Variants in INPP4B observed in about 807,000 individuals in gnomAD.
The protein encoded by INPP4B is inositol polyphosphate-4-phosphatase type II B.
INPP4B carries 55 observed loss-of-function variants against 122.5 expected under a neutral mutation model. The ratio of observed to expected loss-of-function variants is 0.45; its 90% CI spans 0.36 to 0.56. The LOEUF is 0.56. Among genes scored for constraint, INPP4B ranks in the 20% least tolerant of loss-of-function variants. INPP4B has a pLI of 0.00. For missense variants in INPP4B, 1,000 were observed against 1,097.7 expected, an observed-to-expected ratio of 0.91 and a Z score of 1.26; for synonymous variants, 403 against 388.7, an observed-to-expected ratio of 1.04 and a Z score of -0.43.
chr4:142,804,443 C>T (rs1580956453), intron 1 of INPP4B, among the ~76,000 whole-genome samples: 1 of 152,232 alleles, frequency 6.6e-6, no homozygotes, highest in African/African-American at 2.4e-5. Flanking sequence ...CAAGCAACCA[C>T]AGGGTTGAAT....
chr4:142,812,220 G>A (rs1415945274), intron 1 of INPP4B, among the ~76,000 whole-genome samples: 1 of 152,116 alleles, frequency 6.6e-6, no homozygotes, highest in African/African-American at 2.4e-5. Flanking sequence ...CTACCAGCAT[G>A]CACCTGCCCA....
At chr4:142,073,346 C>T (rs1027209714) in intron 25 of INPP4B, among the ~76,000 whole-genome samples, 2 of 152,084 alleles carry the variant, frequency 1.3e-5, no homozygotes, top group African/African-American at 4.8e-5. Context: ...CATCTGTGGT[C>T]TTCTGATCAG....
intron 2 of INPP4B, among the ~76,000 whole-genome samples, chr4:142,694,586 G>A (rs1020912756): frequency 2.6e-5 from 4 of 152,100 alleles, no homozygotes; most frequent in Admixed American, 1.3e-4. Flanking sequence ...AACCACTTCT[G>A]TAATATTTTT....
chr4:142,082,675 T>C (rs1282737634), intron 24 of INPP4B, among the ~76,000 whole-genome samples: 7 of 152,220 alleles, frequency 4.6e-5, no homozygotes, highest in Non-Finnish European at 7.3e-5. Context: ...CTTTATGTTA[T>C]GAGATTTTAA....
chr4:142,821,322 T>A (rs1231800348), intron 1 of INPP4B, among the ~76,000 whole-genome samples: 1 of 152,134 alleles, frequency 6.6e-6, no homozygotes, highest in Non-Finnish European at 1.5e-5. Flanking sequence ...TATATTTTAG[T>A]TAGTTTTCTA....
intron 5 of INPP4B, among the ~76,000 whole-genome samples, chr4:142,419,018 TTGA>T (rs1405324764): frequency 6.6e-6 from 1 of 152,072 alleles, no homozygotes; most frequent in Admixed American, 6.6e-5. Context: ...CTTACAGGAC[TTGA>T]TGATGGATTT....
At chr4:142,782,130 C>G (rs1580901589) in intron 1 of INPP4B, among the ~76,000 whole-genome samples, 3 of 152,142 alleles carry the variant, frequency 2.0e-5, no homozygotes, top group Admixed American at 2.0e-4. Flanking sequence ...TATCCCTCCC[C>G]CCTTCCCACA....
intron 2 of INPP4B, among the ~76,000 whole-genome samples, chr4:142,581,912 C>T (rs972053163): frequency 3.7e-4 from 57 of 152,086 alleles, no homozygotes; most frequent in African/African-American, 1.4e-3. Flanking sequence ...ATGAGAGAGG[C>T]TCACAATCTT....
At chr4:142,761,622 T>C (rs1771357914) in intron 1 of INPP4B, among the ~76,000 whole-genome samples, 1 of 152,140 alleles carries the variant, frequency 6.6e-6, no homozygotes, top group South Asian at 2.1e-4. Context: ...AATAGAAAAA[T>C]TCAATTGAAA....
chr4:142,128,177 G>T (rs1799479767), intron 18 of INPP4B, among the ~76,000 whole-genome samples: 1 of 151,334 alleles, frequency 6.6e-6, no homozygotes, highest in South Asian at 2.1e-4. Context: ...AAAGATGAAG[G>T]TAGTATTCAT....
At chr4:142,029,939 A>G in intron 25 of INPP4B, 4 of 1,294,716 alleles carry the variant, frequency 3.1e-6, no homozygotes, top group Non-Finnish European at 3.9e-6. Flanking sequence ...TTCCATGAAC[A>G]AAAGAGCAAA....
chr4:142,396,319 T>C (rs982667867), intron 7 of INPP4B, among the ~76,000 whole-genome samples: 1 of 152,102 alleles, frequency 6.6e-6, no homozygotes, highest in Non-Finnish European at 1.5e-5. Flanking sequence ...TACTTCATTT[T>C]TTCCAAAAAG....
At chr4:142,747,711 G>T (rs1390400340) in intron 1 of INPP4B, among the ~76,000 whole-genome samples, 6 of 152,168 alleles carry the variant, frequency 3.9e-5, no homozygotes, top group African/African-American at 9.7e-5. Flanking sequence ...ATGAGTTCAT[G>T]TCTTTTGTAG....
chr4:142,481,625 T>C (rs1392800594), intron 2 of INPP4B, among the ~76,000 whole-genome samples: 1 of 152,176 alleles, frequency 6.6e-6, no homozygotes, highest in African/African-American at 2.4e-5. Context: ...GTTATAGTTG[T>C]ATTAACTCTC....
chr4:142,478,723 T>C (rs564091088), intron 2 of INPP4B, among the ~76,000 whole-genome samples: 2 of 152,304 alleles, frequency 1.3e-5, no homozygotes, highest in South Asian at 4.1e-4. Flanking sequence ...TCTATGTTCA[T>C]CAAGGATATT....
chr4:142,257,121 T>C (rs963370493), intron 11 of INPP4B, among the ~76,000 whole-genome samples: 1 of 152,104 alleles, frequency 6.6e-6, no homozygotes, highest in Non-Finnish European at 1.5e-5. Context: ...ATTATCTCAA[T>C]AGATGCAGAA....
At chr4:142,334,799 TTTG>T (rs1389648406) in intron 7 of INPP4B, among the ~76,000 whole-genome samples, 9 of 152,300 alleles carry the variant, frequency 5.9e-5, no homozygotes, top group Admixed American at 3.9e-4. Context: ...AACTGAATTA[TTTG>T]TTGTTGTTGT....
At position 142,544,936 on chromosome 4, in the gene INPP4B, AAT is replaced by A. The variant is rs1193783855; in HGVS notation, c.-190-82212_-190-82211del. ...ATGGGGAAAAAATTTCTCTTACGAA[AAT>A]ATATTTTATATAGACACTGAGAAAC... On this transcript the variant is annotated intron_variant, in intron 2 of 25. Coordinates refer to ENST00000262992, the MANE Select transcript of INPP4B (RefSeq NM_001101669.3). Among the ~76,000 whole-genome samples, 25 of 152,334 alleles carry A rather than the reference AAT, an allele frequency of 1.6e-4. No homozygotes were observed. In the East Asian group the frequency reaches 4.6e-3, roughly 28 times the overall value.
rs56684766 is a variant in INPP4B at position 142,441,023 on chromosome 4, A to AGACAAGCGGAG, written c.-126-9649_-126-9639dup. On this transcript the variant is annotated intron_variant, in intron 3 of 25. Transcript: ENST00000262992. Reference sequence around the variant, plus strand: ...AATTGCTTCCAGAGAAAAACTAGCAAGACAAGCGGAGATCAGAGAAAAAGC... The same window carrying AGACAAGCGGAG: ...AATTGCTTCCAGAGAAAAACTAGCAAGACAAGCGGAGGACAAGCGGAGATCAGAGAAAAAGC... Among the ~76,000 whole-genome samples the AGACAAGCGGAG allele has an allele frequency of 2.8e-3, 429 of 152,316 alleles. 2 individuals carry two copies. Among genetic ancestry groups the AGACAAGCGGAG allele is most frequent in the Non-Finnish European group, 5.4e-3 (369 of 68,026 alleles).
Sources: gnomAD v4.1 joint callset for allele counts (sites outside exome capture counted in the v4.1 genomes callset) on GRCh38, gnomAD v4.1.1 for gene constraint, MANE v1.5 for transcripts, NCBI Gene and HGNC (gene_info 2026-07-23, HGNC 2026-07-21) for gene names.